The following HYDIN variants were observed in gnomAD, a reference collection of about 807,000 sequenced individuals.
HYDIN encodes axonemal central pair apparatus protein HYDIN.
Under a neutral mutation model 403.9 loss-of-function variants are expected in HYDIN, and 132 were observed. That is an observed-to-expected ratio of 0.33 (90% confidence interval 0.28 to 0.38). HYDIN has a LOEUF of 0.38. Among genes scored for constraint, HYDIN ranks in the 10% least tolerant of loss-of-function variants. The pLI is 1.00. For missense variants in HYDIN, 2,827 were observed against 5,009.5 expected (o/e 0.56, Z 13.15); for synonymous variants, 1,202 against 1,891.7 (o/e 0.64, Z 9.46).
chr16:70,844,929 G>A (rs1436989229), intron 75 of HYDIN, among the ~76,000 whole-genome samples: 1 of 145,454 alleles, frequency 6.9e-6, no homozygotes, highest in African/African-American at 2.6e-5. Flanking sequence ...ATCAGCTTAA[G>A]GAGATTTTGG....
chr16:70,904,531 G>GTTTTTTTTTTTTTTTTTTTTTTTT, intron 50 of HYDIN, among the ~76,000 whole-genome samples: 1 of 22,746 alleles, frequency 4.4e-5, no homozygotes, highest in Non-Finnish European at 8.0e-5. Context: ...AGGGAGTTTC[G>GTTTTTTTTTTTTTTTTTTTTTTTT]TTCTTGTTGC....
intron 75 of HYDIN, among the ~76,000 whole-genome samples, chr16:70,842,355 T>C (rs1310004658): frequency 6.6e-6 from 1 of 152,092 alleles, no homozygotes; most frequent in Non-Finnish European, 1.5e-5. Context: ...GTTTCATGTA[T>C]TTTGGGACTC....
At chr16:71,186,373 C>G (rs2087150527) in intron 2 of HYDIN, among the ~76,000 whole-genome samples, 1 of 151,956 alleles carries the variant, frequency 6.6e-6, no homozygotes, top group Non-Finnish European at 1.5e-5. Flanking sequence ...AATATACAAA[C>G]AAAAATTACT....
At chr16:70,868,303 T>A (rs9935910) in intron 66 of HYDIN, among the ~76,000 whole-genome samples, 3,350 of 145,674 alleles carry the variant, frequency 0.023, 128 homozygotes, top group African/African-American at 0.086. Context: ...AGCATTGACA[T>A]TTTTGAAGAA....
At chr16:71,129,493 G>A in intron 9 of HYDIN, 147 bp downstream of exon 9, 1 of 630,922 alleles carries the variant, frequency 1.6e-6, no homozygotes, top group Middle Eastern at 4.1e-4. Flanking sequence ...TCTATATAAT[G>A]TCTCACAGTG....
At chr16:70,989,199 A>G (rs2079267424) in intron 25 of HYDIN, among the ~76,000 whole-genome samples, 1 of 152,140 alleles carries the variant, frequency 6.6e-6, no homozygotes, top group Non-Finnish European at 1.5e-5. Context: ...TAAAGTAGCC[A>G]GGACTGCAGG....
intron 80 of HYDIN, 120 bp downstream of exon 80, chr16:70,832,728 G>C: frequency 1.5e-6 from 1 of 667,984 alleles, no homozygotes; most frequent in Non-Finnish European, 2.6e-6. Context: ...CAGTGGAAAC[G>C]GTGTATTCAC....
chr16:70,930,011 A>G (rs2077269008), intron 45 of HYDIN, among the ~76,000 whole-genome samples: 1 of 152,160 alleles, frequency 6.6e-6, no homozygotes, highest in African/African-American at 2.4e-5. Context: ...TGAAATAGAA[A>G]CATAACTCCC....
At position 71,067,317 on chromosome 16, in the gene HYDIN, T is replaced by C. The variant is rs765951699; in HGVS notation, c.2048A>G (p.Glu683Gly). 2 of 1,612,942 alleles carry C rather than the reference T, an allele frequency of 1.2e-6. No homozygotes were observed. The highest frequency in any genetic ancestry group is 1.7e-6 in the Non-Finnish European group (2 of 1,179,382). Residue 683 changes from glutamate to glycine, a missense_variant, in exon 15 of 86, where the codon GAG becomes GGG. Glu to Gly is a moderately conservative substitution (Grantham distance 98, BLOSUM62 -2). Transcript: ENST00000393567. ...LVVDVEGIGE[E>G]VLALLITARC... is the part of the protein sequence containing the mutation. Reference sequence around the variant, plus strand: ...TGCTGTAATTAAGAGCGCCAGCACCTCTTCTCCGATGCCCTCCACGTCCAC... The same window carrying C: ...TGCTGTAATTAAGAGCGCCAGCACCCCTTCTCCGATGCCCTCCACGTCCAC...
intron 27 of HYDIN, among the ~76,000 whole-genome samples, chr16:70,986,257 C>T (rs1481935490): frequency 1.4e-5 from 2 of 145,716 alleles, no homozygotes; most frequent in Non-Finnish European, 3.0e-5. Context: ...CAGTCATGTT[C>T]TTTTTCCTGG....
rs764465813 is a variant in HYDIN at position 70,921,041 on chromosome 16, G to A, written c.7335C>T (p.Asn2445=). The A allele has an allele frequency of 6.2e-6, 10 of 1,611,796 alleles. No homozygotes were observed. In the African/African-American group the frequency reaches 1.3e-4, roughly 22 times the overall value. Residue 2445 remains asparagine (N), a synonymous_variant, in exon 46 of 86, where the codon AAC becomes AAT. Transcript: ENST00000393567. ...VQDQEDSEGD[N]SKDPDKQLAP... ...CCAGTTGCTTGTCGGGGTCCTTTGA[G>A]TTGTCCCCTTCACTGTCCTCTTGGT...
chr16:71,150,673 AG>A (rs1358256458), intron 7 of HYDIN, among the ~76,000 whole-genome samples: 1 of 151,852 alleles, frequency 6.6e-6, no homozygotes, highest in Non-Finnish European at 1.5e-5. Flanking sequence ...GGAGGCAAAA[AG>A]TGTTAATCTT....
chr16:70,933,187 G>GA (rs1243875513), intron 45 of HYDIN, among the ~76,000 whole-genome samples: 1 of 152,128 alleles, frequency 6.6e-6, no homozygotes, highest in African/African-American at 2.4e-5. Context: ...GAAGAAAGGA[G>GA]AGCCCTAGTC....
intron 28 of HYDIN, among the ~76,000 whole-genome samples, chr16:70,982,559 A>G (rs2079078017): frequency 1.0e-5 from 1 of 95,724 alleles, no homozygotes; most frequent in Non-Finnish European, 1.8e-5. Context: ...ATGTTAGCTG[A>G]GTGAATCCAG....
chr16:70,920,862 C>T lies in HYDIN; in HGVS notation c.7514G>A (p.Arg2505His), dbSNP rs754226257. The change falls in exon 46 of 86, where the codon CGC becomes CAC. Residue 2505 changes from arginine to histidine, a missense_variant. Physicochemically the swap from Arg to His is conservative, Grantham distance 29. Coordinates refer to ENST00000393567, the MANE Select transcript of HYDIN (RefSeq NM_001270974.2). Reference sequence around the variant, plus strand: ...TCTCTCCCGGTCCTTGCGGCCCCTGCGCCCACCCAAGGGGACCTGGCGCTG... The same window carrying T: ...TCTCTCCCGGTCCTTGCGGCCCCTGTGCCCACCCAAGGGGACCTGGCGCTG... ...DDQRQVPLGG[R>H]RGRKDRERER... 201 of 1,601,284 alleles carry T rather than the reference C, an allele frequency of 1.3e-4. No homozygotes were observed. Among genetic ancestry groups the T allele is most frequent in the Non-Finnish European group, 1.6e-4 (186 of 1,173,380 alleles).
At chr16:71,229,023 G>A (rs897900582) in intron 1 of HYDIN, among the ~76,000 whole-genome samples, 1 of 151,980 alleles carries the variant, frequency 6.6e-6, no homozygotes, top group Non-Finnish European at 1.5e-5. Context: ...GGATGAAGCT[G>A]GAAACCATCA....
chr16:70,938,344 C>A (rs2077560899), intron 44 of HYDIN, among the ~76,000 whole-genome samples: 3 of 152,254 alleles, frequency 2.0e-5, no homozygotes, highest in African/African-American at 7.2e-5. Flanking sequence ...AGTGGCCCCT[C>A]TTCCAGGGCC....
At chr16:70,922,974 C>T (rs1208862528) in intron 45 of HYDIN, among the ~76,000 whole-genome samples, 2 of 151,708 alleles carry the variant, frequency 1.3e-5, no homozygotes, top group African/African-American at 4.8e-5. Context: ...TGCCATGTTG[C>T]CCAGGCTGGT....
chr16:70,972,960 C>T lies in HYDIN; in HGVS notation c.5379+383G>A, dbSNP rs1450269381. Among the ~76,000 whole-genome samples, 3 of 152,302 alleles carry T rather than the reference C, an allele frequency of 2.0e-5. No homozygotes were observed. The East Asian group carries it at 5.8e-4, about 29-fold the overall frequency. ...CTTATGAAATCTCAAACCCCCCACCCCCAGTTTTGGATCTTACTGGGTTTC... is the reference window on the plus strand; with the variant it reads ...CTTATGAAATCTCAAACCCCCCACCTCCAGTTTTGGATCTTACTGGGTTTC... On this transcript the variant is annotated intron_variant, in intron 35 of 85. Transcript: ENST00000393567.
Sources: gnomAD v4.1 joint callset for allele counts (sites outside exome capture counted in the v4.1 genomes callset) on GRCh38, gnomAD v4.1.1 for gene constraint, MANE v1.5 for transcripts, NCBI Gene and HGNC (gene_info 2026-07-23, HGNC 2026-07-21) for gene names.